The following TGFB2 variants were observed in gnomAD, a reference collection of about 807,000 sequenced individuals.
The protein encoded by TGFB2 is transforming growth factor beta-2 proprotein.
In TGFB2, 13 loss-of-function variants were observed where a neutral mutation model predicts 42.7. That is an observed-to-expected ratio of 0.30 (90% confidence interval 0.20 to 0.48). The LOEUF (loss-of-function observed/expected upper bound fraction) is 0.48, where lower values mean the gene tolerates loss of function less well. TGFB2 is among the 20% of genes least tolerant of loss of function. TGFB2 has a pLI of 0.99. For missense variants in TGFB2, 390 were observed against 517.5 expected (o/e 0.75, Z 2.39); for synonymous variants, 193 against 193.6 (o/e 1.00, Z 0.03).
chr1:218,432,498 T>C (rs567595292), intron 2 of TGFB2, among the ~76,000 whole-genome samples: 3 of 152,266 alleles, frequency 2.0e-5, no homozygotes, highest in Middle Eastern at 6.8e-3. Context: ...CAGAAAAAAG[T>C]CTACCATTAT....
chr1:218,377,108 G>A (rs1204827752), intron 1 of TGFB2, among the ~76,000 whole-genome samples: 10 of 152,014 alleles, frequency 6.6e-5, no homozygotes, highest in Admixed American at 1.3e-4. Flanking sequence ...TTTGTTGCCC[G>A]GGCTGGTCTC....
intron 4 of TGFB2, among the ~76,000 whole-genome samples, chr1:218,435,227 C>CTACA (rs1198287540): frequency 6.6e-6 from 1 of 152,186 alleles, no homozygotes; most frequent in Non-Finnish European, 1.5e-5. Context: ...TTTTAGAAGA[C>CTACA]TACAGCAGCC....
intron 2 of TGFB2, among the ~76,000 whole-genome samples, chr1:218,422,209 GTTTTTTTGTTTTCTT>G (rs376087233): frequency 8.2e-4 from 123 of 150,816 alleles, no homozygotes; most frequent in African/African-American, 3.0e-3. Flanking sequence ...TGTTTTTTTT[GTTTTTTTGTTTTCTT>G]TTTTTTTGTT....
At chr1:218,436,546 C>A (rs967113771) in intron 5 of TGFB2, among the ~76,000 whole-genome samples, 1 of 152,200 alleles carries the variant, frequency 6.6e-6, no homozygotes, top group Non-Finnish European at 1.5e-5. Context: ...GATAGTCACA[C>A]TTCTTTCATA....
chr1:218,398,637 G>C (rs1488827818), intron 1 of TGFB2, among the ~76,000 whole-genome samples: 2 of 151,454 alleles, frequency 1.3e-5, no homozygotes, highest in Non-Finnish European at 2.9e-5. Flanking sequence ...CACCAGGCTG[G>C]AGTGCAGTGG....
chr1:218,369,006 C>T (rs1171959646), intron 1 of TGFB2, among the ~76,000 whole-genome samples: 1 of 151,952 alleles, frequency 6.6e-6, no homozygotes, highest in African/African-American at 2.4e-5. Flanking sequence ...TCTGTAATCC[C>T]ACCACTTTGG....
At chr1:218,374,192 TCTTA>T (rs1657664946) in intron 1 of TGFB2, among the ~76,000 whole-genome samples, 2 of 152,220 alleles carry the variant, frequency 1.3e-5, no homozygotes, top group Admixed American at 1.3e-4. Flanking sequence ...AGTACATACT[TCTTA>T]CTTAAAGGAC....
rs533202302 is a variant in TGFB2, at chr1:218,367,633, T to C, written c.346+20586T>C. ...GGTCTACATCACTAAATAATCTGAT[T>C]GAAGTGTGAGAAGAATGACTTGATA... On this transcript the variant is annotated intron_variant, in intron 1 of 6. Coordinates refer to ENST00000366930, the MANE Select transcript of TGFB2 (RefSeq NM_003238.6). Among the ~76,000 whole-genome samples the C allele has an allele frequency of 3.9e-5, 6 of 152,302 alleles. No homozygotes were observed. In the South Asian group the frequency reaches 1.2e-3, roughly 32 times the overall value.
chr1:218,428,693 A>G (rs1300752269), intron 2 of TGFB2, among the ~76,000 whole-genome samples: 20 of 152,070 alleles, frequency 1.3e-4, no homozygotes, highest in Non-Finnish European at 1.9e-4. Flanking sequence ...CCATTGATCT[A>G]TATCTCTGTT....
chr1:218,441,606 A>T lies in TGFB2; in HGVS notation c.*244A>T. The T allele has an allele frequency of 2.9e-6, 1 of 339,894 alleles. No individual in the cohort carries two copies. The highest frequency in any genetic ancestry group is 5.3e-6 in the Non-Finnish European group (1 of 189,756). 21.1% of individuals were successfully genotyped at this position (339,894 alleles called of 1,614,324 possible). On this transcript the variant is annotated 3_prime_UTR_variant, in exon 7 of 7. Coordinates refer to ENST00000366930, the MANE Select transcript of TGFB2 (RefSeq NM_003238.6). ...ACATTTCACCTACTTTGTAAGTGAG[A>T]GAGACAAGAAGCAAATTTTTTTTAA...
chr1:218,435,237 C>T (rs982300639), intron 4 of TGFB2, among the ~76,000 whole-genome samples: 1 of 152,104 alleles, frequency 6.6e-6, no homozygotes, highest in African/African-American at 2.4e-5. Context: ...CTACAGCAGC[C>T]CTTGCTCATG....
intron 6 of TGFB2, 68 bp from the exon 7 acceptor site, chr1:218,441,136 T>C: frequency 6.7e-7 from 1 of 1,493,298 alleles, no homozygotes; most frequent in South Asian, 1.3e-5. Context: ...TGGAATTCTT[T>C]TTAAAAACGA....
intron 1 of TGFB2, among the ~76,000 whole-genome samples, chr1:218,361,986 C>T (rs1571835545): frequency 6.6e-6 from 1 of 152,168 alleles, no homozygotes; most frequent in East Asian, 1.9e-4. Flanking sequence ...CCAGTCAGAG[C>T]CCCATATCTC....
chr1:218,350,938 C>A (rs1026014619), intron 1 of TGFB2, among the ~76,000 whole-genome samples: 4 of 152,208 alleles, frequency 2.6e-5, no homozygotes, highest in African/African-American at 9.6e-5. Context: ...TTGATTTATT[C>A]TACCATTTTG....
intron 1 of TGFB2, among the ~76,000 whole-genome samples, chr1:218,359,889 A>G (rs1349802533): frequency 2.6e-5 from 4 of 152,196 alleles, no homozygotes; most frequent in African/African-American, 9.7e-5. Context: ...CTTTATCTCT[A>G]TCCTATAGAC....
At chr1:218,356,187 A>G (rs1657026040) in intron 1 of TGFB2, among the ~76,000 whole-genome samples, 1 of 151,962 alleles carries the variant, frequency 6.6e-6, no homozygotes, top group Admixed American at 6.6e-5. Flanking sequence ...CTCAAGATTT[A>G]CCATTTGTTT....
chr1:218,386,446 C>A (rs1658140958), intron 1 of TGFB2, among the ~76,000 whole-genome samples: 1 of 152,174 alleles, frequency 6.6e-6, no homozygotes, highest in South Asian at 2.1e-4. Flanking sequence ...GGCACTGCTC[C>A]TAGAAAATCA....
At chr1:218,437,763 A>G (rs1660019143) in intron 6 of TGFB2, among the ~76,000 whole-genome samples, 3 of 152,238 alleles carry the variant, frequency 2.0e-5, no homozygotes, top group Non-Finnish European at 4.4e-5. Context: ...GTTACAAACC[A>G]TAAGTCTCAC....
chr1:218,405,898 A>G (rs1235558207), intron 2 of TGFB2, among the ~76,000 whole-genome samples: 1 of 152,150 alleles, frequency 6.6e-6, no homozygotes, highest in Non-Finnish European at 1.5e-5. Flanking sequence ...TTGCATGAAC[A>G]GCTGGAGTAT....
Sources: allele counts gnomAD v4.1 joint callset (sites outside exome capture counted in the v4.1 genomes callset), GRCh38; gene constraint gnomAD v4.1.1; transcripts MANE v1.5; gene names NCBI Gene and HGNC (gene_info 2026-07-23, HGNC 2026-07-21).